Variants in CLVS2 observed in about 807,000 individuals in gnomAD.
The protein encoded by CLVS2 is clavesin-2.
In CLVS2, 19 loss-of-function variants were observed where a neutral mutation model predicts 29.0. That is an observed-to-expected ratio of 0.66 (90% CI 0.46 to 0.96). The LOEUF (loss-of-function observed/expected upper bound fraction) is 0.96. Among genes scored for constraint, CLVS2 ranks in the 40% least tolerant of loss-of-function variants. CLVS2 has a pLI of 0.00. For missense variants in CLVS2, 294 were observed against 404.1 expected (o/e 0.73, Z 2.34); for synonymous variants, 161 against 151.3 (o/e 1.06, Z -0.47).
In CLVS2 at chr6:122,997,750, G is replaced by A. The variant is rs1419946249; in HGVS notation, c.-28G>A. The A allele has an allele frequency of 6.2e-7, 1 of 1,604,956 alleles. No individual in the cohort carries two copies. Among genetic ancestry groups the A allele is most frequent in the Non-Finnish European group, 8.5e-7 (1 of 1,175,834 alleles). The stretch of plus-strand genomic sequence containing the variant: ...TTTGGGACAGTCAACAAGGTCTTCT[G>A]AGGGAAAGCTCAGAGATAGGCAGAA... On this transcript the variant is annotated 5_prime_UTR_variant, in exon 2 of 6. Coordinates refer to ENST00000275162, the MANE Select transcript of CLVS2 (RefSeq NM_001010852.4).
intron 3 of CLVS2, among the ~76,000 whole-genome samples, chr6:123,028,708 C>T (rs1207135839): frequency 1.3e-5 from 2 of 152,136 alleles, no homozygotes; most frequent in Non-Finnish European, 2.9e-5. Context: ...AGACAGGCGC[C>T]TGTTTCTTTG....
chr6:123,042,886 A>G (rs1222740359), intron 3 of CLVS2, among the ~76,000 whole-genome samples: 3 of 152,190 alleles, frequency 2.0e-5, no homozygotes, highest in Non-Finnish European at 4.4e-5. Context: ...AAAAATGGAT[A>G]CAAGGTATCC....
At chr6:123,015,919 C>T (rs961046423) in intron 3 of CLVS2, among the ~76,000 whole-genome samples, 6 of 150,864 alleles carry the variant, frequency 4.0e-5, no homozygotes, top group African/African-American at 1.5e-4. Context: ...AGTTTATATG[C>T]TTTCTCTGTG....
In CLVS2 at chr6:123,010,547, T is replaced by C. The variant is rs550434479; in HGVS notation, c.390-438T>C. 1.3e-3 allele frequency among the ~76,000 whole-genome samples: 198 copies of C among 152,204 alleles called. 3 individuals are homozygous for C. Among genetic ancestry groups the C allele is most frequent in the African/African-American group, 4.6e-3 (190 of 41,554 alleles). ...AGTAATTTGAATTGAGTAACTTTTA[T>C]TGATAGCTGTCATGTACAGTGTTTT... is the stretch of plus-strand genomic sequence containing the variant. On this transcript the variant is annotated intron_variant, in intron 2 of 5. Coordinates refer to ENST00000275162, the MANE Select transcript of CLVS2 (RefSeq NM_001010852.4).
At chr6:123,059,124 G>C (rs1772738568) in intron 5 of CLVS2, among the ~76,000 whole-genome samples, 1 of 151,694 alleles carries the variant, frequency 6.6e-6, no homozygotes, top group Admixed American at 6.6e-5. Flanking sequence ...TTCTCTTTTT[G>C]CCCTTGTCAC....
At chr6:123,034,596 G>A (rs1775125044) in intron 3 of CLVS2, among the ~76,000 whole-genome samples, 1 of 152,136 alleles carries the variant, frequency 6.6e-6, no homozygotes, top group African/African-American at 2.4e-5. Flanking sequence ...TTACTCTGAA[G>A]GGGTAGCATG....
chr6:123,011,073 T>C lies in CLVS2; in HGVS notation c.478T>C (p.Leu160=). 1.2e-6 allele frequency: 2 copies of C among 1,611,982 alleles called. No homozygotes were observed. Among genetic ancestry groups the C allele is most frequent in the Non-Finnish European group, 1.7e-6 (2 of 1,178,802 alleles). The change falls in exon 3 of 6, where the codon TTG becomes CTG. Residue 160 remains leucine (L), a synonymous_variant. Coordinates refer to ENST00000275162, the MANE Select transcript of CLVS2 (RefSeq NM_001010852.4). ...TGAGCTTCAAGTGAATGGGTTTGTT[T>C]TGATCATAGACTGGAGTAACTTCAC... ...DPELQVNGFV[L]IIDWSNFTFK...
At chr6:123,048,267 C>T (rs1772545769) in intron 3 of CLVS2, among the ~76,000 whole-genome samples, 1 of 150,894 alleles carries the variant, frequency 6.6e-6, no homozygotes, top group Admixed American at 6.6e-5. Flanking sequence ...TAAATGAAAC[C>T]TTTATAGAAT....
chr6:123,067,359 G>C lies in CLVS2; in HGVS notation c.*3598G>C, dbSNP rs553678047. ...ATGTCTTCAGGGACAGGGATCATTT[G>C]CTTCTACAATGTAAAGGTTTATGGA... On this transcript the variant is annotated 3_prime_UTR_variant, in exon 6 of 6. Transcript: ENST00000275162. 1 of 151,730 alleles carries C rather than the reference G, an allele frequency of 6.6e-6. No individual in the cohort carries two copies. The highest frequency in any genetic ancestry group is 2.1e-4 in the South Asian group (1 of 4,826). The allele number at this position is 151,730 out of a possible 1,614,324, so 9.4% of individuals were successfully genotyped here.
Position 123,061,424 on chromosome 6 carries a change from T to C in CLVS2, c.897-2250T>C, listed in dbSNP as rs1470645857. Reference sequence around the variant, plus strand: ...TTCTGATCCTGCACAAATAATCCTGTTCTGTCATAAAAGAGACTAAAAAAA... The same window carrying C: ...TTCTGATCCTGCACAAATAATCCTGCTCTGTCATAAAAGAGACTAAAAAAA... On this transcript the variant is annotated intron_variant, in intron 5 of 5. Coordinates refer to ENST00000275162, the MANE Select transcript of CLVS2 (RefSeq NM_001010852.4). Among the ~76,000 whole-genome samples the C allele has an allele frequency of 3.3e-5, 5 of 152,196 alleles. No individual in the cohort carries two copies. The East Asian group carries it at 9.6e-4, about 29-fold the overall frequency.
At chr6:123,024,717 GC>G (rs1173243364) in intron 3 of CLVS2, among the ~76,000 whole-genome samples, 4 of 152,064 alleles carry the variant, frequency 2.6e-5, no homozygotes, top group African/African-American at 9.7e-5. Context: ...TTGAAAAATG[GC>G]GATAATAAGA....
rs1772824357 is a variant in CLVS2, at chr6:123,064,458, TC to T, written c.*698del. On this transcript the variant is annotated 3_prime_UTR_variant, in exon 6 of 6. Transcript: ENST00000275162. The stretch of plus-strand genomic sequence containing the variant: ...CGTAGAAATGTAAAAAAGAGTGGAT[TC>T]TTTTTAAATTGCTGTCTTCACAATG... 6.6e-6 allele frequency: 1 copy of T among 151,924 alleles called. No homozygotes were observed. The highest frequency in any genetic ancestry group is 1.5e-5 in the Non-Finnish European group (1 of 67,856). The allele number at this position is 151,924 out of a possible 1,614,324, so 9.4% of individuals were successfully genotyped here.
intron 3 of CLVS2, among the ~76,000 whole-genome samples, chr6:123,047,702 C>T (rs1346761348): frequency 2.0e-5 from 3 of 151,534 alleles, no homozygotes; most frequent in Admixed American, 2.0e-4. Context: ...CAGAAGAATG[C>T]CGAGTATTAT....
At chr6:123,004,046 T>G (rs1328605768) in intron 2 of CLVS2, among the ~76,000 whole-genome samples, 1 of 152,116 alleles carries the variant, frequency 6.6e-6, no homozygotes, top group Non-Finnish European at 1.5e-5. Context: ...TTAAAGATAA[T>G]TCCATCTATG....
chr6:123,013,703 A>G (rs553408270), intron 3 of CLVS2, among the ~76,000 whole-genome samples: 1 of 151,824 alleles, frequency 6.6e-6, no homozygotes, highest in East Asian at 2.0e-4. Context: ...GTACATGTGC[A>G]CATTGTGCAG....
rs767632937 is a variant in CLVS2, at chr6:122,997,818, A to G, written c.41A>G (p.Glu14Gly). ...LQAGLSPETLEKARLELNENP... is the reference protein window; with the variant it reads ...LQAGLSPETLGKARLELNENP... ...GCCGGTCTCTCCCCTGAGACCCTGG[A>G]GAAAGCTCGCCTGGAGCTCAATGAA... The change falls in exon 2 of 6, where the codon GAG becomes GGG. Residue 14 changes from glutamate (E) to glycine (G), a missense_variant. Physicochemically the swap from Glu to Gly is moderately conservative, Grantham distance 98. Around this residue, in one of 2 missense-constraint regions of CLVS2, gnomAD observed 212 missense variants for 336.4 expected, o/e 0.63. Coordinates refer to ENST00000275162, the MANE Select transcript of CLVS2 (RefSeq NM_001010852.4). The G allele has an allele frequency of 6.2e-7, 1 of 1,614,114 alleles. No homozygotes were observed. The highest frequency in any genetic ancestry group is 1.7e-5 in the Admixed American group (1 of 60,028).
intron 3 of CLVS2, among the ~76,000 whole-genome samples, chr6:123,016,680 A>T (rs1326197520): frequency 6.6e-6 from 1 of 152,080 alleles, no homozygotes; most frequent in African/African-American, 2.4e-5. Context: ...TAAGACTCAG[A>T]TGTATGGCCA....
intron 3 of CLVS2, among the ~76,000 whole-genome samples, chr6:123,031,001 T>C (rs1775076324): frequency 1.3e-5 from 2 of 151,882 alleles, no homozygotes; most frequent in South Asian, 2.1e-4. Context: ...GGCACAATCA[T>C]GGCTCTTTGC....
chr6:123,024,533 G>A (rs1049889697), intron 3 of CLVS2, among the ~76,000 whole-genome samples: 48 of 152,166 alleles, frequency 3.2e-4, no homozygotes, highest in African/African-American at 1.1e-3. Flanking sequence ...TGGACTAAAG[G>A]CATATGGTAG....
Sources: allele counts gnomAD v4.1 joint callset (sites outside exome capture counted in the v4.1 genomes callset), GRCh38; gene constraint gnomAD v4.1.1; regional missense constraint gnomAD v4.1.1; transcripts MANE v1.5; gene names NCBI Gene and HGNC (gene_info 2026-07-23, HGNC 2026-07-21).